The following TP53BP2 variants were observed in gnomAD, a reference collection of about 807,000 sequenced individuals.
TP53BP2 encodes apoptosis-stimulating of p53 protein 2.
A neutral mutation model predicts 126.2 loss-of-function variants in TP53BP2; 62 were observed. That is an observed-to-expected ratio of 0.49 (90% CI 0.40 to 0.61). The LOEUF (loss-of-function observed/expected upper bound fraction) is 0.61. Ranked by LOEUF, TP53BP2 falls within the 20% of genes least tolerant of loss-of-function variation. TP53BP2 has a pLI of 0.00. For missense variants in TP53BP2, 1,215 were observed against 1,402.8 expected (o/e 0.87, Z 2.14); for synonymous variants, 485 against 502.9 (o/e 0.96, Z 0.48).
At position 223,796,266 on chromosome 1, in the gene TP53BP2, A is replaced by C; in HGVS notation, c.2273T>G (p.Leu758Arg). ...CGCTATGGTGGTCCTCTGATATAAA[A>C]GCTTCTGAATATTTGGCCCATTAGG... ...EGPNGPNIQK[L>R]LYQRTTIAAM... Residue 758 changes from leucine to arginine, a missense_variant, in exon 13 of 18, where the codon CTT becomes CGT. Physicochemically the swap from Leu to Arg is moderately radical, Grantham distance 102. Around this residue, in one of 4 missense-constraint regions of TP53BP2, gnomAD observed 46 missense variants for 93.0 expected, o/e 0.49. Transcript: ENST00000343537. This position sits in a 1 kb window ranked among gnomAD's most constrained non-coding sequence, Gnocchi z 4.2. The C allele has an allele frequency of 6.2e-7, 1 of 1,614,088 alleles. No homozygotes were observed. Among genetic ancestry groups the C allele is most frequent in the Non-Finnish European group, 8.5e-7 (1 of 1,180,004 alleles).
At position 223,798,277 on chromosome 1, in the gene TP53BP2, A is replaced by T; in HGVS notation, c.1886T>A (p.Phe629Tyr). Residue 629 changes from phenylalanine (F) to tyrosine (Y), a missense_variant, in exon 12 of 18, where the codon TTC (phenylalanine) becomes TAC (tyrosine). Physicochemically the swap from Phe to Tyr is conservative, Grantham distance 22 (BLOSUM62 3). Coordinates refer to ENST00000343537, the MANE Select transcript of TP53BP2 (RefSeq NM_001031685.3). ...CAACGCGCTCTGCACAGCCTGCTGG[A>T]AGTTTTTTCCTGGCGCCTGCTGTTG... The part of the protein sequence containing the change: ...YTQQQAPGKN[F>Y]QQAVQSALTK... 6.2e-7 allele frequency: 1 copy of T among 1,614,158 alleles called. No individual in the cohort carries two copies. The highest frequency in any genetic ancestry group is 8.5e-7 in the Non-Finnish European group (1 of 1,180,022).
At chr1:223,845,277 A>C (rs1216246640) in intron 1 of TP53BP2, 1 of 984,634 alleles carries the variant, frequency 1.0e-6, no homozygotes, top group Non-Finnish European at 1.2e-6. Context: ...AAAAGTAAAA[A>C]GACACAGCAA....
At chr1:223,797,771 A>G (rs546514651) in intron 12 of TP53BP2, among the ~76,000 whole-genome samples, 9 of 146,724 alleles carry the variant, frequency 6.1e-5, no homozygotes, top group African/African-American at 1.9e-4. Context: ...ACATATATAT[A>G]TGTGTGTGAT....
At position 223,845,767 on chromosome 1, in the gene TP53BP2, C is replaced by A. The variant is rs550071223; in HGVS notation, c.-87G>T. 2 of 1,295,108 alleles carry A rather than the reference C, an allele frequency of 1.5e-6. No homozygotes were observed. Among genetic ancestry groups the A allele is most frequent in the Admixed American group, 3.7e-5 (1 of 27,136 alleles). The allele number at this position is 1,295,108 out of a possible 1,614,324, so 80.2% of individuals were successfully genotyped here. A position where few individuals can be genotyped will look rare whatever the true frequency, so the allele number is the denominator to read the frequency against. ...CGGGGGAGGGGAGCGGAGAGCGAGG[C>A]CGCCCGGACCTGTTGCGAGGCGGCG... On this transcript the variant is annotated 5_prime_UTR_variant, in exon 1 of 18. Coordinates refer to ENST00000343537, the MANE Select transcript of TP53BP2 (RefSeq NM_001031685.3).
At chr1:223,817,803 G>A (rs1022562130) in intron 2 of TP53BP2, among the ~76,000 whole-genome samples, 1 of 151,868 alleles carries the variant, frequency 6.6e-6, no homozygotes, top group African/African-American at 2.4e-5. Context: ...GTGGGCGCCT[G>A]TAGTTCCAGC....
intron 1 of TP53BP2, among the ~76,000 whole-genome samples, chr1:223,821,673 A>G (rs1663315193): frequency 6.6e-6 from 1 of 152,150 alleles, no homozygotes; most frequent in Non-Finnish European, 1.5e-5. Flanking sequence ...TATATGCTGG[A>G]CCCATACTAC....
intron 5 of TP53BP2, among the ~76,000 whole-genome samples, chr1:223,804,599 T>C (rs1662652654): frequency 1.3e-5 from 2 of 152,354 alleles, no homozygotes; most frequent in South Asian, 4.1e-4. Flanking sequence ...AAGTGGTTCT[T>C]ATGCAGCAAG....
At chr1:223,808,472 T>C (rs145984122) in intron 4 of TP53BP2, among the ~76,000 whole-genome samples, 28 of 148,010 alleles carry the variant, frequency 1.9e-4, no homozygotes, top group African/African-American at 6.5e-4. Context: ...ACCTAGGAGG[T>C]GGAGGTTGCA....
chr1:223,827,742 A>T (rs1663549873), intron 1 of TP53BP2, among the ~76,000 whole-genome samples: 1 of 152,038 alleles, frequency 6.6e-6, no homozygotes, highest in African/African-American at 2.4e-5. Context: ...TATAAAGGTT[A>T]TTTTTTTCCA....
chr1:223,796,069 T>C lies in TP53BP2; in HGVS notation c.2470A>G (p.Thr824Ala). The stretch of plus-strand genomic sequence containing the variant: ...GGAGCTGGCATGTCACTGTTCTCTG[T>C]ACTGGCATTCCCCACATCCTCTGGG... ...LSPEDVGNAS[T>A]ENSDMPAPSP... The change falls in exon 13 of 18, where the codon ACA becomes GCA. Residue 824 changes from threonine to alanine, a missense_variant. Thr to Ala is a moderately conservative substitution (Grantham distance 58, BLOSUM62 0). Around this residue, in one of 4 missense-constraint regions of TP53BP2, gnomAD observed 204 missense variants for 225.7 expected, o/e 0.90. Transcript: ENST00000343537. The surrounding 1 kb of genome is among the most constrained non-coding windows in gnomAD (Gnocchi z 4.2). The C allele has an allele frequency of 1.9e-6, 3 of 1,614,210 alleles. No individual in the cohort carries two copies. Among genetic ancestry groups the C allele is most frequent in the Non-Finnish European group, 2.5e-6 (3 of 1,180,032 alleles).
chr1:223,793,234 T>C, intron 14 of TP53BP2, 69 bp downstream of exon 14: 1 of 1,197,902 alleles, frequency 8.3e-7, no homozygotes, highest in Non-Finnish European at 1.1e-6. Context: ...ATTTACTAAT[T>C]ATACTCTAGC....
At chr1:223,782,462 A>G (rs1661806514) in intron 17 of TP53BP2, among the ~76,000 whole-genome samples, 1 of 152,222 alleles carries the variant, frequency 6.6e-6, no homozygotes, top group Admixed American at 6.5e-5. Flanking sequence ...TTGAAAGAGA[A>G]CAGCCTTTAT....
In TP53BP2 at chr1:223,834,726, C is replaced by A. The variant is rs75437259; in HGVS notation, c.27+10928G>T. ...CACTTCTCTCCCCAGAGTAGCTCAC[C>A]TGATTCCTACTCTGTCCTGTAGTGT... On this transcript the variant is annotated intron_variant, in intron 1 of 17. Transcript: ENST00000343537. 567 of 713,800 alleles carry A rather than the reference C, an allele frequency of 7.9e-4. 11 individuals are homozygous for A. In the East Asian group the frequency reaches 0.04, roughly 51 times the overall value. The allele number at this position is 713,800 out of a possible 1,614,324, so 44.2% of individuals were successfully genotyped here.
intron 1 of TP53BP2, among the ~76,000 whole-genome samples, chr1:223,833,100 C>G (rs937761438): frequency 3.9e-5 from 6 of 152,204 alleles, no homozygotes; most frequent in African/African-American, 1.4e-4. Flanking sequence ...AGCTGTTTCT[C>G]TAGAGTTTAC....
intron 1 of TP53BP2, among the ~76,000 whole-genome samples, chr1:223,839,389 G>A (rs1340694622): frequency 2.6e-5 from 4 of 152,120 alleles, no homozygotes; most frequent in African/African-American, 9.7e-5. Flanking sequence ...CTTCATCCCT[G>A]GGAGGGAAGT....
intron 17 of TP53BP2, among the ~76,000 whole-genome samples, chr1:223,781,489 CTAGG>C (rs1043925829): frequency 2.6e-4 from 39 of 152,326 alleles, no homozygotes; most frequent in African/African-American, 8.9e-4. Flanking sequence ...TGCAAGGCCT[CTAGG>C]CCTGAGCCAG....
At chr1:223,813,212 A>G (rs1662973206) in intron 3 of TP53BP2, among the ~76,000 whole-genome samples, 1 of 151,942 alleles carries the variant, frequency 6.6e-6, no homozygotes, top group African/African-American at 2.4e-5. Context: ...CTCCACCTCC[A>G]AGTCCTGCCT....
chr1:223,829,178 C>G (rs2102880975), intron 1 of TP53BP2, among the ~76,000 whole-genome samples: 1 of 152,098 alleles, frequency 6.6e-6, no homozygotes, highest in East Asian at 1.9e-4. Context: ...CAAAAAAACA[C>G]AAAAAATTAG....
chr1:223,808,047 A>G (rs1296837640), intron 4 of TP53BP2, among the ~76,000 whole-genome samples: 3 of 152,222 alleles, frequency 2.0e-5, no homozygotes, highest in African/African-American at 7.2e-5. Flanking sequence ...CCAGTGACCA[A>G]TGCATGTGGT....
Sources: gnomAD v4.1 joint callset for allele counts (sites outside exome capture counted in the v4.1 genomes callset) on GRCh38, gnomAD v4.1.1 for gene constraint, gnomAD v4.1.1 regional missense constraint, Gnocchi (gnomAD v3.1) non-coding constraint, MANE v1.5 for transcripts, NCBI Gene and HGNC (gene_info 2026-07-23, HGNC 2026-07-21) for gene names.